Variants in COLQ observed in about 807,000 individuals in gnomAD.
COLQ encodes the protein collagen like tail subunit of asymmetric acetylcholinesterase.
A neutral mutation model predicts 69.0 loss-of-function variants in COLQ; 48 were observed. The observed-to-expected ratio is 0.70, with a 90% confidence interval of 0.55 to 0.88. The LOEUF (loss-of-function observed/expected upper bound fraction) is 0.88. COLQ is among the 40% of genes least tolerant of loss of function. The pLI is 0.00. For synonymous variants in COLQ, 217 were observed against 211.2 expected (o/e 1.03, Z -0.24); for missense variants, 618 against 594.6 (o/e 1.04, Z -0.41).
At chr3:15,470,702 G>T (rs1310996963) in intron 10 of COLQ, 86 bp from the exon 11 acceptor site, 2 of 1,227,312 alleles carry the variant, frequency 1.6e-6, no homozygotes, top group Non-Finnish European at 2.4e-6. Context: ...CATTGGCTAC[G>T]AGGGCAGTCT....
At chr3:15,468,182 T>A (rs1299661880) in intron 11 of COLQ, among the ~76,000 whole-genome samples, 2 of 152,186 alleles carry the variant, frequency 1.3e-5, no homozygotes, top group Admixed American at 1.3e-4. Context: ...ATTCCGCTTA[T>A]CGGCCATCGC....
At chr3:15,471,922 G>T (rs1466850882) in intron 10 of COLQ, among the ~76,000 whole-genome samples, 2 of 152,054 alleles carry the variant, frequency 1.3e-5, no homozygotes, top group African/African-American at 2.4e-5. Context: ...TTTTAGAGAG[G>T]CTCGGGGATG....
chr3:15,519,350 T>C (rs925881991), intron 1 of COLQ, among the ~76,000 whole-genome samples: 1 of 152,218 alleles, frequency 6.6e-6, no homozygotes, highest in African/African-American at 2.4e-5. Context: ...GGTTGGCCAA[T>C]GAGAGGCGCT....
chr3:15,516,527 C>A (rs749510909), intron 1 of COLQ, among the ~76,000 whole-genome samples: 5 of 152,164 alleles, frequency 3.3e-5, no homozygotes, highest in Non-Finnish European at 7.4e-5. Context: ...AAGAGTCCTG[C>A]CTTCCTGGAA....
chr3:15,521,693 T>C lies in COLQ; in HGVS notation c.-68A>G. The stretch of plus-strand genomic sequence containing the variant: ...CTGCGGAGCCTTGCTTATCTCTGCT[T>C]TTCTCTTCCTCACTGCTGTTTGCGT... On this transcript the variant is annotated 5_prime_UTR_variant, in exon 1 of 17. Coordinates refer to ENST00000383788, the MANE Select transcript of COLQ (RefSeq NM_005677.4). 2 of 1,602,714 alleles carry C rather than the reference T, an allele frequency of 1.2e-6. No homozygotes were observed. The highest frequency in any genetic ancestry group is 1.1e-5 in the South Asian group (1 of 89,962).
Position 15,489,611 on chromosome 3 carries a change from G to A in COLQ, c.133C>T (p.Arg45Cys), listed in dbSNP as rs763096476. The change falls in exon 2 of 17, where the codon CGT (arginine) becomes TGT (cysteine). Residue 45 changes from arginine to cysteine, a missense_variant. Physicochemically the swap from Arg to Cys is radical, Grantham distance 180 (BLOSUM62 -3). Coordinates refer to ENST00000383788, the MANE Select transcript of COLQ (RefSeq NM_005677.4). ...AGGCAGCATGCTTTGTGGCCACCAC[G>A]CTTCTTCTGATCCAGGCTGGGAAGG... The part of the protein sequence containing the change: ...AALPSLDQKK[R>C]GGHKACCLLT... 2.7e-5 allele frequency: 44 copies of A among 1,614,014 alleles called. No individual in the cohort carries two copies. The highest frequency in any genetic ancestry group is 8.3e-5 in the Admixed American group (5 of 60,004).
chr3:15,489,287 T>G (rs1173241333), intron 2 of COLQ, among the ~76,000 whole-genome samples: 1 of 152,212 alleles, frequency 6.6e-6, no homozygotes, highest in Non-Finnish European at 1.5e-5. Context: ...CCAAATCCAA[T>G]TCCTGCTAAG....
intron 7 of COLQ, 41 bp from the exon 8 acceptor site, chr3:15,474,992 G>T (rs2062355332): frequency 6.2e-7 from 1 of 1,605,946 alleles, no homozygotes; most frequent in Admixed American, 1.7e-5. Flanking sequence ...CAGCCCTGTA[G>T]GACTTCTGAG....
In COLQ at chr3:15,451,610, C is replaced by T; in HGVS notation, c.*34G>A. 1 of 1,604,092 alleles carries T rather than the reference C, an allele frequency of 6.2e-7. No homozygotes were observed. The highest frequency in any genetic ancestry group is 1.3e-5 in the African/African-American group (1 of 74,818). On this transcript the variant is annotated 3_prime_UTR_variant, in exon 17 of 17. Coordinates refer to ENST00000383788, the MANE Select transcript of COLQ (RefSeq NM_005677.4). ...GACAGTGGAGAAGCTGCTGCCAGTT[C>T]TGTGGGGCGCAGCCCACCTTCTCCT...
rs776185686 is a variant in COLQ, at chr3:15,451,584, T to C, written c.*60A>G. ...CGGGGCCAGGACATGGCCAGTTTGA[T>C]GACAGTGGAGAAGCTGCTGCCAGTT... On this transcript the variant is annotated 3_prime_UTR_variant, in exon 17 of 17. Coordinates refer to ENST00000383788, the MANE Select transcript of COLQ (RefSeq NM_005677.4). 5 of 1,510,336 alleles carry C rather than the reference T, an allele frequency of 3.3e-6. No individual in the cohort carries two copies. Among genetic ancestry groups the C allele is most frequent in the Admixed American group, 3.3e-5 (2 of 59,904 alleles). 93.6% of individuals were successfully genotyped at this position (1,510,336 alleles called of 1,614,324 possible).
intron 1 of COLQ, among the ~76,000 whole-genome samples, chr3:15,512,129 C>A (rs146466086): frequency 1.1e-4 from 16 of 152,312 alleles, no homozygotes; most frequent in African/African-American, 3.4e-4. Flanking sequence ...CTCCTGATGC[C>A]TTCTCCAAAC....
At chr3:15,481,744 TG>T (rs1211359846) in intron 3 of COLQ, among the ~76,000 whole-genome samples, 1 of 152,242 alleles carries the variant, frequency 6.6e-6, no homozygotes, top group East Asian at 1.9e-4. Context: ...TTTCCAATTC[TG>T]TGAAGAAAGT....
chr3:15,485,578 G>A lies in COLQ; in HGVS notation c.321+2628C>T, dbSNP rs561545944. ...AAATAACAACAGCTCCCCTCAGCCT[G>A]TGGTTCCCAAGTCTATCAGCACATT... On this transcript the variant is annotated intron_variant, in intron 3 of 16. Coordinates refer to ENST00000383788, the MANE Select transcript of COLQ (RefSeq NM_005677.4). Among the ~76,000 whole-genome samples the A allele has an allele frequency of 3.4e-4, 52 of 152,302 alleles. 2 individuals are homozygous for A. The South Asian group carries it at 0.01, about 30-fold the overall frequency.
intron 12 of COLQ, among the ~76,000 whole-genome samples, chr3:15,463,033 A>G (rs1292665257): frequency 1.3e-5 from 2 of 151,978 alleles, no homozygotes; most frequent in East Asian, 3.9e-4. Flanking sequence ...AAAAAGTATG[A>G]CTCTGCGGGG....
intron 1 of COLQ, chr3:15,498,868 G>C: frequency 1.4e-6 from 2 of 1,380,386 alleles, no homozygotes; most frequent in African/African-American, 2.9e-5. Context: ...CCCAGGGGAG[G>C]ATATGAGGTT....
chr3:15,499,004 G>GTATTTT, intron 1 of COLQ: 10 of 1,099,774 alleles, frequency 9.1e-6, no homozygotes, highest in South Asian at 2.4e-5. Context: ...GACTGCTCTG[G>GTATTTT]TAAGCCTCAA....
intron 1 of COLQ, among the ~76,000 whole-genome samples, chr3:15,508,511 C>A (rs955518927): frequency 6.6e-6 from 1 of 152,110 alleles, no homozygotes; most frequent in Non-Finnish European, 1.5e-5. Context: ...GTAGGCGGTA[C>A]AATAAATACT....
intron 1 of COLQ, among the ~76,000 whole-genome samples, chr3:15,512,893 C>G (rs539831250): frequency 2.6e-5 from 4 of 152,314 alleles, no homozygotes; most frequent in Non-Finnish European, 4.4e-5. Flanking sequence ...GCTAAGGGAA[C>G]ACAGGATTTG....
chr3:15,501,831 T>TA (rs2062834970), intron 1 of COLQ, among the ~76,000 whole-genome samples: 1 of 152,240 alleles, frequency 6.6e-6, no homozygotes, highest in African/African-American at 2.4e-5. Flanking sequence ...TACTAGTTTT[T>TA]AATCCACTGA....
Sources: gnomAD v4.1 joint callset for allele counts (sites outside exome capture counted in the v4.1 genomes callset) on GRCh38, gnomAD v4.1.1 for gene constraint, MANE v1.5 for transcripts, NCBI Gene and HGNC (gene_info 2026-07-23, HGNC 2026-07-21) for gene names.